The following XRRA1 variants were observed in gnomAD, a reference collection of about 807,000 sequenced individuals.
XRRA1 encodes X-ray radiation resistance associated 1, also known as X-ray radiation resistance-associated protein 1.
Under a neutral mutation model 80.2 loss-of-function variants are expected in XRRA1, and 69 were observed. That is an observed-to-expected ratio of 0.86 (90% CI 0.71 to 1.05). XRRA1 has a LOEUF of 1.05. Among genes scored for constraint, XRRA1 ranks in the 50% least tolerant of loss-of-function variants. The pLI is 0.00. For synonymous variants in XRRA1, 348 were observed against 389.9 expected (o/e 0.89, Z 1.27); for missense variants, 967 against 976.4 (o/e 0.99, Z 0.13).
rs975265261 is a variant in XRRA1, at chr11:74,848,584, T to A, written c.1381-122A>T. 4 of 838,110 alleles carry A rather than the reference T, an allele frequency of 4.8e-6. No individual in the cohort carries two copies. In the South Asian group the frequency reaches 7.2e-5, roughly 15 times the overall value. 51.9% of individuals were successfully genotyped at this position (838,110 alleles called of 1,614,324 possible). On this transcript the variant is annotated intron_variant, in intron 14 of 18. Transcript: ENST00000684022. ...TGCTGGGTACGGACTGAGGCGGGGG[T>A]GGAAAGGGAAATCATACTTGTTGGG...
chr11:74,923,016 T>C (rs1246224683), intron 7 of XRRA1, among the ~76,000 whole-genome samples: 1 of 152,204 alleles, frequency 6.6e-6, no homozygotes, highest in Non-Finnish European at 1.5e-5. Context: ...GTTCATTATG[T>C]AGCAATGCTG....
intron 12 of XRRA1, among the ~76,000 whole-genome samples, chr11:74,854,013 AAG>A (rs1565235960): frequency 5.9e-5 from 9 of 152,134 alleles, no homozygotes. Flanking sequence ...GGGGAGGTAC[AAG>A]AGAGAGAAGT....
intron 10 of XRRA1, among the ~76,000 whole-genome samples, chr11:74,879,056 G>T (rs1181213014): frequency 6.8e-6 from 1 of 146,418 alleles, no homozygotes; most frequent in Non-Finnish European, 1.5e-5. Flanking sequence ...ACCTTGGGCA[G>T]TATGGCCATT....
intron 10 of XRRA1, among the ~76,000 whole-genome samples, chr11:74,889,518 A>T (rs1269843444): frequency 5.3e-5 from 8 of 152,228 alleles, no homozygotes; most frequent in Admixed American, 2.0e-4. Flanking sequence ...TAACCAGCTA[A>T]CATCATAATG....
chr11:74,898,867 A>T (rs886754846), intron 10 of XRRA1, among the ~76,000 whole-genome samples: 3 of 152,166 alleles, frequency 2.0e-5, no homozygotes, highest in African/African-American at 7.2e-5. Flanking sequence ...GAAAATCAAC[A>T]AAGAAACACT....
At chr11:74,891,450 C>G (rs564571035) in intron 10 of XRRA1, among the ~76,000 whole-genome samples, 3 of 152,296 alleles carry the variant, frequency 2.0e-5, no homozygotes, top group Non-Finnish European at 4.4e-5. Context: ...CAATATCATA[C>G]TGAATGGGCA....
chr11:74,920,087 AC>A (rs1207875786), intron 8 of XRRA1: 1 of 171,268 alleles, frequency 5.8e-6, no homozygotes, highest in Admixed American at 6.4e-5. Context: ...TAACAGACTA[AC>A]AGAAGCTGCA....
chr11:74,929,703 TAGG>T (rs1943069687), intron 6 of XRRA1, among the ~76,000 whole-genome samples: 1 of 152,316 alleles, frequency 6.6e-6, no homozygotes, highest in Non-Finnish European at 1.5e-5. Flanking sequence ...GGTCTCAGCT[TAGG>T]TGCTCCTCTT....
intron 10 of XRRA1, among the ~76,000 whole-genome samples, chr11:74,882,507 G>T (rs1053465297): frequency 6.6e-6 from 1 of 152,182 alleles, no homozygotes; most frequent in Admixed American, 6.5e-5. Flanking sequence ...TCTTCTCTCA[G>T]CTCGTCAAAG....
At position 74,867,593 on chromosome 11, in the gene XRRA1, T is replaced by C. The variant is rs1042599032; in HGVS notation, c.1004-4572A>G. ...GGATTATGTAAAGAGACCAAAAATA[T>C]GACTCATTGGTATCCCTGAAATGCA... On this transcript the variant is annotated intron_variant, in intron 10 of 18. Coordinates refer to ENST00000684022, the MANE Select transcript of XRRA1 (RefSeq NM_001378157.1). Among the ~76,000 whole-genome samples, 5 of 152,272 alleles carry C rather than the reference T, an allele frequency of 3.3e-5. No individual in the cohort carries two copies. In the East Asian group the frequency reaches 9.6e-4, roughly 29 times the overall value.
rs2137030497 is a variant in XRRA1 at position 74,886,733 on chromosome 11, C to A, written c.1003+19506G>T. ...AAAGTATTTAAAAATTTATAAATAA[C>A]CTTTAAAAAAAGCCTGAATAGCCAA... On this transcript the variant is annotated intron_variant, in intron 10 of 18. Coordinates refer to ENST00000684022, the MANE Select transcript of XRRA1 (RefSeq NM_001378157.1). Among the ~76,000 whole-genome samples, 8 of 152,092 alleles carry A rather than the reference C, an allele frequency of 5.3e-5. No homozygotes were observed. The South Asian group carries it at 1.7e-3, about 32-fold the overall frequency.
chr11:74,924,430 C>T (rs368607328), intron 7 of XRRA1, among the ~76,000 whole-genome samples: 22 of 146,246 alleles, frequency 1.5e-4, no homozygotes, highest in East Asian at 8.3e-4. Flanking sequence ...GTCGAGATCG[C>T]GCCACTGCAC....
At chr11:74,898,482 C>G (rs191214741) in intron 10 of XRRA1, among the ~76,000 whole-genome samples, 12 of 151,246 alleles carry the variant, frequency 7.9e-5, no homozygotes, top group Non-Finnish European at 1.6e-4. Context: ...GATGTAAAAA[C>G]AAGACCCAGT....
Position 74,948,912 on chromosome 11 carries a change from T to G in XRRA1, c.-73+16A>C, listed in dbSNP as rs1591725016. 2 of 183,866 alleles carry G rather than the reference T, an allele frequency of 1.1e-5. No homozygotes were observed. Among genetic ancestry groups the G allele is most frequent in the East Asian group, 3.4e-4 (2 of 5,924 alleles). 11.4% of individuals were successfully genotyped at this position (183,866 alleles called of 1,614,324 possible). A position where few individuals can be genotyped will look rare whatever the true frequency, so the allele number is the denominator to read the frequency against. On this transcript the variant is annotated intron_variant, in intron 1 of 18. Transcript: ENST00000684022. ...CGGAGAAAGACTCGAATTCGAAAAC[T>G]AAGTTTCAGTCGCACCTGCCTCCGG...
intron 3 of XRRA1, among the ~76,000 whole-genome samples, chr11:74,938,447 A>C (rs1299501483): frequency 6.6e-6 from 1 of 152,250 alleles, no homozygotes; most frequent in African/African-American, 2.4e-5. Context: ...AGAGTGTGTC[A>C]GGAGATCAAC....
At chr11:74,845,296 CATTT>C (rs1476714997) in intron 15 of XRRA1, 25 bp from the exon 16 acceptor site, 19 of 1,586,690 alleles carry the variant, frequency 1.2e-5, no homozygotes, top group East Asian at 4.5e-5. Context: ...AAAACGCATT[CATTT>C]GTCACTCATT....
chr11:74,901,571 T>C (rs887463707), intron 10 of XRRA1, among the ~76,000 whole-genome samples: 3 of 152,288 alleles, frequency 2.0e-5, no homozygotes, highest in Non-Finnish European at 4.4e-5. Context: ...CAAAACAGTA[T>C]GGTACTGGCA....
At chr11:74,886,871 A>G (rs2049158801) in intron 10 of XRRA1, among the ~76,000 whole-genome samples, 2 of 152,250 alleles carry the variant, frequency 1.3e-5, no homozygotes, top group South Asian at 2.1e-4. Context: ...GAACAGATAC[A>G]TAGGCCAATG....
At chr11:74,885,822 C>A (rs1460719370) in intron 10 of XRRA1, among the ~76,000 whole-genome samples, 1 of 152,162 alleles carries the variant, frequency 6.6e-6, no homozygotes, top group Admixed American at 6.5e-5. Flanking sequence ...CAAAAAAATA[C>A]TGGCAAATCA....
Sources: gnomAD v4.1 joint callset for allele counts (sites outside exome capture counted in the v4.1 genomes callset) on GRCh38, gnomAD v4.1.1 for gene constraint, MANE v1.5 for transcripts, NCBI Gene and HGNC (gene_info 2026-07-23, HGNC 2026-07-21) for gene names.